Variants in AUH observed in about 807,000 individuals in gnomAD.
AUH encodes AU RNA binding methylglutaconyl-CoA hydratase.
A neutral mutation model predicts 42.3 loss-of-function variants in AUH; 29 were observed. The ratio of observed to expected loss-of-function variants is 0.69; its 90% CI spans 0.51 to 0.93. The LOEUF is 0.93. AUH is among the 40% of genes least tolerant of loss of function. AUH has a pLI of 0.00. For missense variants in AUH, 452 were observed against 438.1 expected, an observed-to-expected ratio of 1.03 and a Z score of -0.28; for synonymous variants, 174 against 166.4, an observed-to-expected ratio of 1.05 and a Z score of -0.35.
At chr9:91,354,685 A>G (rs1414421236) in intron 3 of AUH, among the ~76,000 whole-genome samples, 5 of 152,196 alleles carry the variant, frequency 3.3e-5, no homozygotes, top group Non-Finnish European at 7.3e-5. Flanking sequence ...TATTTTTAAA[A>G]TGTTAATCTG....
chr9:91,343,555 G>C (rs1299031221), intron 3 of AUH, among the ~76,000 whole-genome samples: 2 of 152,166 alleles, frequency 1.3e-5, no homozygotes, highest in Non-Finnish European at 2.9e-5. Context: ...CTTGAGGCCA[G>C]GAGTCCGAGA....
At chr9:91,218,165 G>C (rs1198402365) in intron 7 of AUH, among the ~76,000 whole-genome samples, 1 of 152,200 alleles carries the variant, frequency 6.6e-6, no homozygotes, top group Non-Finnish European at 1.5e-5. Flanking sequence ...TGGTGACATG[G>C]ATAAATGCAT....
At position 91,283,920 on chromosome 9, in the gene AUH, C is replaced by T. The variant is rs1227999033; in HGVS notation, c.655+12101G>A. Among the ~76,000 whole-genome samples, 3 of 151,596 alleles carry T rather than the reference C, an allele frequency of 2.0e-5. No individual in the cohort carries two copies. In the East Asian group the frequency reaches 5.8e-4, roughly 30 times the overall value. On this transcript the variant is annotated intron_variant, in intron 6 of 9. Coordinates refer to ENST00000375731, the MANE Select transcript of AUH (RefSeq NM_001698.3). ...TTTATAGATTCAATGCCATCCCCAT[C>T]AAGCTACCAATGACTTTCTCCACAG...
chr9:91,259,215 A>G (rs1829571906), intron 6 of AUH, among the ~76,000 whole-genome samples: 1 of 152,208 alleles, frequency 6.6e-6, no homozygotes, highest in Non-Finnish European at 1.5e-5. Flanking sequence ...AAGTATTCAG[A>G]TTCCCTATTC....
At chr9:91,301,664 A>G (rs1267840520) in intron 4 of AUH, among the ~76,000 whole-genome samples, 1 of 152,198 alleles carries the variant, frequency 6.6e-6, no homozygotes, top group African/African-American at 2.4e-5. Flanking sequence ...GTCACTGCAA[A>G]AAGAGCCAGC....
At chr9:91,342,286 C>T (rs990695377) in intron 3 of AUH, among the ~76,000 whole-genome samples, 2 of 152,192 alleles carry the variant, frequency 1.3e-5, no homozygotes, top group Non-Finnish European at 2.9e-5. Flanking sequence ...ATTTCTCCTG[C>T]TCAGAGTCCT....
At chr9:91,344,468 T>C in intron 3 of AUH, among the ~76,000 whole-genome samples, 1 of 152,212 alleles carries the variant, frequency 6.6e-6, no homozygotes, top group East Asian at 1.9e-4. Context: ...CATGATCTCC[T>C]GGGGCTGGTC....
rs13302727 is a variant in AUH at position 91,361,879 on chromosome 9, G to A, written c.11C>T (p.Ala4Val). ...CAAGGCCCCAGGTGCCGCCGCCACC[G>A]CGGCCGCCATGTTGTCTGTTTACGG... is the stretch of plus-strand genomic sequence containing the variant. Reference protein sequence around the residue: MAAAVAAAPGALGS... With the variant: MAAVVAAAPGALGS... Residue 4 changes from alanine (A) to valine (V), a missense_variant, in exon 1 of 10, where the codon GCG becomes GTG. Ala to Val is a moderately conservative substitution (Grantham distance 64). Transcript: ENST00000375731. 2.0e-6 allele frequency: 3 copies of A among 1,465,714 alleles called. No homozygotes were observed. Among genetic ancestry groups the A allele is most frequent in the Non-Finnish European group, 1.8e-6 (2 of 1,115,094 alleles). 90.8% of individuals were successfully genotyped at this position (1,465,714 alleles called of 1,614,324 possible).
At chr9:91,338,710 T>C (rs2131960145) in intron 3 of AUH, among the ~76,000 whole-genome samples, 1 of 152,356 alleles carries the variant, frequency 6.6e-6, no homozygotes, top group African/African-American at 2.4e-5. Context: ...GGAAGAGGTA[T>C]TGTTAACTGC....
chr9:91,325,255 T>A, intron 4 of AUH, 63 bp downstream of exon 4: 4 of 1,366,650 alleles, frequency 2.9e-6, no homozygotes, highest in Non-Finnish European at 3.1e-6. Context: ...AATGTGTAAC[T>A]TTTTAAATGT....
At chr9:91,226,490 A>G (rs1827492097) in intron 6 of AUH, among the ~76,000 whole-genome samples, 1 of 151,940 alleles carries the variant, frequency 6.6e-6, no homozygotes, top group African/African-American at 2.4e-5. Flanking sequence ...ATTTTCTCCC[A>G]TTCTGTAGGT....
chr9:91,337,246 G>T (rs1830761064), intron 3 of AUH, among the ~76,000 whole-genome samples: 1 of 152,186 alleles, frequency 6.6e-6, no homozygotes, highest in Non-Finnish European at 1.5e-5. Flanking sequence ...TGAAATTCAT[G>T]TGTTTTCTTT....
chr9:91,245,937 G>C (rs1046734557), intron 6 of AUH, among the ~76,000 whole-genome samples: 1 of 152,164 alleles, frequency 6.6e-6, no homozygotes, highest in African/African-American at 2.4e-5. Flanking sequence ...ATGGGGACAG[G>C]AGCAGGGCCC....
chr9:91,308,024 A>C (rs1171969071), intron 4 of AUH, among the ~76,000 whole-genome samples: 1 of 152,254 alleles, frequency 6.6e-6, no homozygotes, highest in Non-Finnish European at 1.5e-5. Flanking sequence ...AGGTAGTACC[A>C]AAATACAACG....
At chr9:91,260,808 GT>G (rs1461405323) in intron 6 of AUH, among the ~76,000 whole-genome samples, 1 of 152,104 alleles carries the variant, frequency 6.6e-6, no homozygotes, top group Admixed American at 6.5e-5. Flanking sequence ...GTTCGTTATA[GT>G]TTTTAGGTCT....
rs776281357 is a variant in AUH at position 91,220,852 on chromosome 9, C to T, written c.796G>A (p.Ala266Thr). The T allele has an allele frequency of 1.1e-5, 17 of 1,614,252 alleles. No homozygotes were observed. Among genetic ancestry groups the T allele is most frequent in the South Asian group, 2.2e-5 (2 of 91,086 alleles). ...HVLEQNQEGDAAYRKALDLAR... is the reference protein window; with the variant it reads ...HVLEQNQEGDTAYRKALDLAR... ...AGGTCCAAGGCCTTCCTGTAGGCCG[C>T]GTCTCCCTCCTGGTTCTGTTCCAGA... Residue 266 changes from alanine (A) to threonine (T), a missense_variant, in exon 7 of 10, where the codon GCG (alanine) becomes ACG (threonine). By Grantham distance (58) the Ala-to-Thr change is moderately conservative. Transcript: ENST00000375731.
intron 4 of AUH, among the ~76,000 whole-genome samples, chr9:91,312,192 T>C (rs1828750934): frequency 6.6e-6 from 1 of 152,224 alleles, no homozygotes; most frequent in Non-Finnish European, 1.5e-5. Flanking sequence ...GTCATGTCTG[T>C]AAGTTGCTTA....
chr9:91,305,194 C>T (rs1468591137), intron 4 of AUH, among the ~76,000 whole-genome samples: 1 of 151,932 alleles, frequency 6.6e-6, no homozygotes, highest in Non-Finnish European at 1.5e-5. Context: ...TTCATATATA[C>T]CTATGTCCAG....
Position 91,361,687 on chromosome 9 carries a change from C to T in AUH, c.203G>A (p.Ser68Asn). 6.4e-7 allele frequency: 1 copy of T among 1,572,302 alleles called. No individual in the cohort carries two copies. Among genetic ancestry groups the T allele is most frequent in the Non-Finnish European group, 8.6e-7 (1 of 1,159,030 alleles). Residue 68 changes from serine (S) to asparagine (N), a missense_variant, in exon 1 of 10, where the codon AGC becomes AAC. Transcript: ENST00000375731. ...CTCGTCCTCCGTCTTCATCTCAGAG[C>T]TGTAGCCCCTTTTCGGGGCGGGACC... ...AGGPAPKRGY[S>N]SEMKTEDELR...
Sources: gnomAD v4.1 joint callset for allele counts (sites outside exome capture counted in the v4.1 genomes callset) on GRCh38, gnomAD v4.1.1 for gene constraint, MANE v1.5 for transcripts, NCBI Gene and HGNC (gene_info 2026-07-23, HGNC 2026-07-21) for gene names.